IQUB: variants seen among roughly 807,000 people sequenced by gnomAD.
The protein encoded by IQUB is IQ motif and ubiquitin domain containing, also known as IQ motif and ubiquitin-like domain-containing protein.
A neutral mutation model predicts 86.4 loss-of-function variants in IQUB; 86 were observed. The ratio of observed to expected loss-of-function variants is 1.00; its 90% CI spans 0.84 to 1.19. The LOEUF (loss-of-function observed/expected upper bound fraction) is 1.19. Ranked by LOEUF, IQUB falls within the 50% of genes most tolerant of loss-of-function variation. The probability of loss-of-function intolerance (pLI) is 0.00; values close to 1 mark genes in which losing one functional copy is unlikely to be tolerated. For missense variants in IQUB, 946 were observed against 916.9 expected (o/e 1.03, Z -0.41); for synonymous variants, 289 against 304.5 (o/e 0.95, Z 0.53).
chr7:123,499,343 C>T (rs112895778), intron 6 of IQUB, among the ~76,000 whole-genome samples: 1 of 152,096 alleles, frequency 6.6e-6, no homozygotes, highest in South Asian at 2.1e-4. Flanking sequence ...CTCCTGGCCT[C>T]GAGTGATCTG....
intron 8 of IQUB, among the ~76,000 whole-genome samples, chr7:123,475,373 CTTTTTTTTTT>C (rs35957699): frequency 1.1e-5 from 1 of 92,924 alleles, no homozygotes; most frequent in Non-Finnish European, 2.2e-5. Context: ...CTCCATTTCA[CTTTTTTTTTT>C]TTTTTTTTTT....
At chr7:123,501,853 T>C (rs1795959669) in intron 6 of IQUB, 1 of 152,200 alleles carries the variant, frequency 6.6e-6, no homozygotes, top group Non-Finnish European at 1.5e-5. Flanking sequence ...AATAACTCCA[T>C]ATATTCCTTT....
chr7:123,473,610 C>G (rs1050569508), intron 8 of IQUB, among the ~76,000 whole-genome samples: 1 of 152,098 alleles, frequency 6.6e-6, no homozygotes, highest in Non-Finnish European at 1.5e-5. Flanking sequence ...GAGTCTCACT[C>G]TGTTGCCCAG....
At chr7:123,532,877 G>A (rs1372978309) in intron 1 of IQUB, 1 of 152,328 alleles carries the variant, frequency 6.6e-6, no homozygotes. Context: ...ACCCCGAAAA[G>A]GCCCCCAAGC....
intron 1 of IQUB, among the ~76,000 whole-genome samples, chr7:123,523,038 A>C (rs1430256586): frequency 6.7e-6 from 1 of 150,274 alleles, no homozygotes; most frequent in Non-Finnish European, 1.5e-5. Context: ...TGAACTCATC[A>C]TTTTTTATGG....
At chr7:123,512,450 G>GTTGCTCAA (rs1416462526) in intron 1 of IQUB, 106 bp from the exon 2 acceptor site, 1 of 586,424 alleles carries the variant, frequency 1.7e-6, no homozygotes, top group Non-Finnish European at 2.7e-6. Context: ...CAACTAAAAT[G>GTTGCTCAA]TTGCTCAATT....
In IQUB at chr7:123,452,931, A is replaced by G; in HGVS notation, c.2194-6T>C. ...ATAAATGAGCGTTCATATCCCTGCA[A>G]AGAAAAAAATCAAATTCTAGTAAAT... is the stretch of plus-strand genomic sequence containing the variant. On this transcript the variant is annotated splice_polypyrimidine_tract_variant and splice_region_variant and intron_variant, in intron 12 of 12. Coordinates refer to ENST00000324698, the MANE Select transcript of IQUB (RefSeq NM_178827.5). 6.3e-7 allele frequency: 1 copy of G among 1,599,404 alleles called. No individual in the cohort carries two copies. Among genetic ancestry groups the G allele is most frequent in the Non-Finnish European group, 8.5e-7 (1 of 1,172,558 alleles).
intron 8 of IQUB, among the ~76,000 whole-genome samples, chr7:123,470,468 T>C (rs1320272027): frequency 6.6e-6 from 1 of 152,186 alleles, no homozygotes; most frequent in African/African-American, 2.4e-5. Context: ...TGTGATCTAA[T>C]GTAAGGTTTA....
intron 7 of IQUB, among the ~76,000 whole-genome samples, chr7:123,492,267 A>C (rs1250838104): frequency 6.6e-6 from 1 of 152,188 alleles, no homozygotes. Context: ...TGCAATGGAG[A>C]AATGACAGTG....
rs529604090 is a variant in IQUB, at chr7:123,487,952, C to A, written c.1235-7982G>T. 5.3e-5 allele frequency among the ~76,000 whole-genome samples: 8 copies of A among 152,198 alleles called. No individual in the cohort carries two copies. The South Asian group carries it at 1.7e-3, about 32-fold the overall frequency. ...GTTTGAAATAAGTTAAAACCAATTA[C>A]CAGCAGTAACTATATCATTAAACAG... On this transcript the variant is annotated intron_variant, in intron 7 of 12. Coordinates refer to ENST00000324698, the MANE Select transcript of IQUB (RefSeq NM_178827.5).
intron 7 of IQUB, among the ~76,000 whole-genome samples, chr7:123,481,923 T>C (rs763732923): frequency 4.6e-5 from 7 of 152,098 alleles, no homozygotes; most frequent in African/African-American, 7.2e-5. Context: ...GATATTTTTC[T>C]GTTGAAAATA....
chr7:123,517,530 C>CAAAAAAAAA (rs374712007), intron 1 of IQUB, among the ~76,000 whole-genome samples: 2 of 22,450 alleles, frequency 8.9e-5, no homozygotes, highest in Non-Finnish European at 1.5e-4. Context: ...GACTCCATCT[C>CAAAAAAAAA]AAAAAAAAAA....
At chr7:123,523,100 T>C (rs991827555) in intron 1 of IQUB, among the ~76,000 whole-genome samples, 1 of 151,656 alleles carries the variant, frequency 6.6e-6, no homozygotes, top group African/African-American at 2.4e-5. Flanking sequence ...ATCCAGTCTA[T>C]CATTGTTGGA....
At chr7:123,486,014 C>G (rs1795200209) in intron 7 of IQUB, among the ~76,000 whole-genome samples, 1 of 152,050 alleles carries the variant, frequency 6.6e-6, no homozygotes, top group Non-Finnish European at 1.5e-5. Flanking sequence ...GTGATAAAGT[C>G]AGGGAGCCAC....
Position 123,512,066 on chromosome 7 carries a change from G to A in IQUB, c.275C>T (p.Pro92Leu), listed in dbSNP as rs759334419. Residue 92 changes from proline to leucine, a missense_variant, in exon 2 of 13, where the codon CCG becomes CTG. Coordinates refer to ENST00000324698, the MANE Select transcript of IQUB (RefSeq NM_178827.5). Reference sequence around the variant, plus strand: ...TGCATATTGCTTTTCATGATGTTGCGGAGTATATGAAACTTGTCTTGGTGA... The same window carrying A: ...TGCATATTGCTTTTCATGATGTTGCAGAGTATATGAAACTTGTCTTGGTGA... ...VISPRQVSYT[P>L]QHHEKQYAMQ... The A allele has an allele frequency of 2.7e-5, 43 of 1,613,718 alleles. No homozygotes were observed. Among genetic ancestry groups the A allele is most frequent in the Middle Eastern group, 1.6e-4 (1 of 6,084 alleles).
intron 7 of IQUB, among the ~76,000 whole-genome samples, chr7:123,489,306 T>C (rs1795354854): frequency 6.6e-6 from 1 of 152,118 alleles, no homozygotes; most frequent in African/African-American, 2.4e-5. Flanking sequence ...GAACTCATAC[T>C]CCCTGGAATA....
rs1795642976 is a variant in IQUB at position 123,494,909 on chromosome 7, G to T, written c.1234+1787C>A. The stretch of plus-strand genomic sequence containing the variant: ...CATTCAACATATTTTCTATTATTTT[G>T]CACAGTTGTCTGTTAACCACACAAA... On this transcript the variant is annotated intron_variant, in intron 7 of 12. Transcript: ENST00000324698. 2.0e-5 allele frequency among the ~76,000 whole-genome samples: 3 copies of T among 151,936 alleles called. No homozygotes were observed. The South Asian group carries it at 6.2e-4, about 31-fold the overall frequency.
chr7:123,514,908 G>C (rs183761383), intron 1 of IQUB, among the ~76,000 whole-genome samples: 1 of 152,060 alleles, frequency 6.6e-6, no homozygotes, highest in African/African-American at 2.4e-5. Flanking sequence ...TTCCAAGGGG[G>C]ACATATTCTT....
chr7:123,530,865 C>T lies in IQUB; in HGVS notation c.-5+3627G>A, dbSNP rs1256118711. Among the ~76,000 whole-genome samples, 4 of 151,982 alleles carry T rather than the reference C, an allele frequency of 2.6e-5. No individual in the cohort carries two copies. In the East Asian group the frequency reaches 5.8e-4, roughly 22 times the overall value. ...CCAATTTTTGTATTTTTAGCAGAGACGGGGTTTCACCATGTTGGCCAGGCT... is the reference window on the plus strand; with the variant it reads ...CCAATTTTTGTATTTTTAGCAGAGATGGGGTTTCACCATGTTGGCCAGGCT... On this transcript the variant is annotated intron_variant, in intron 1 of 12. Coordinates refer to ENST00000324698, the MANE Select transcript of IQUB (RefSeq NM_178827.5).
Sources: allele counts gnomAD v4.1 joint callset (sites outside exome capture counted in the v4.1 genomes callset), GRCh38; gene constraint gnomAD v4.1.1; transcripts MANE v1.5; gene names NCBI Gene and HGNC (gene_info 2026-07-23, HGNC 2026-07-21).